The following PHF14 variants were observed in gnomAD, a reference collection of about 807,000 sequenced individuals.
PHF14 encodes the protein PHD finger protein 14.
PHF14 carries 55 observed loss-of-function variants against 117.9 expected under a neutral mutation model. The ratio of observed to expected loss-of-function variants is 0.47; its 90% confidence interval spans 0.38 to 0.58. The LOEUF (loss-of-function observed/expected upper bound fraction) is 0.58, where lower values mean the gene tolerates loss of function less well. Among genes scored for constraint, PHF14 ranks in the 20% least tolerant of loss-of-function variants. The probability of loss-of-function intolerance (pLI) is 0.00; values close to 1 mark genes in which losing one functional copy is unlikely to be tolerated. For synonymous variants in PHF14, 409 were observed against 368.6 expected (o/e 1.11, Z -1.26); for missense variants, 978 against 1,122.2 (o/e 0.87, Z 1.84).
At chr7:11,142,671 T>G (rs1788433686) in intron 17 of PHF14, among the ~76,000 whole-genome samples, 1 of 152,104 alleles carries the variant, frequency 6.6e-6, no homozygotes, top group South Asian at 2.1e-4. Flanking sequence ...GAAGATCCTG[T>G]TAGGTTTCAT....
chr7:11,156,222 T>A (rs542170040), intron 17 of PHF14, among the ~76,000 whole-genome samples: 1 of 152,350 alleles, frequency 6.6e-6, no homozygotes, highest in South Asian at 2.1e-4. Flanking sequence ...AATAGGGACG[T>A]TATTTTTGAC....
chr7:11,051,463 GTTTT>G, intron 13 of PHF14, 145 bp from the exon 14 acceptor site: 3 of 592,302 alleles, frequency 5.1e-6, no homozygotes, highest in Non-Finnish European at 8.4e-6. Flanking sequence ...ATTTCTGAAT[GTTTT>G]TTCATTATGT....
intron 4 of PHF14, among the ~76,000 whole-genome samples, chr7:11,000,254 G>A (rs914798462): frequency 4.7e-5 from 7 of 148,752 alleles, no homozygotes; most frequent in Admixed American, 4.7e-4. Context: ...TGGAGTTTCT[G>A]TTGTATGATT....
chr7:11,116,628 A>G (rs1428585069), intron 17 of PHF14, among the ~76,000 whole-genome samples: 1 of 151,896 alleles, frequency 6.6e-6, no homozygotes, highest in African/African-American at 2.4e-5. Flanking sequence ...TCCTGCCCAC[A>G]TGGATACCTA....
chr7:10,994,349 GA>G (rs1326051344), intron 4 of PHF14, among the ~76,000 whole-genome samples: 1 of 151,856 alleles, frequency 6.6e-6, no homozygotes, highest in East Asian at 1.9e-4. Flanking sequence ...TGAGGCAGGA[GA>G]ATGGCTTGAA....
At chr7:11,103,623 T>G in intron 16 of PHF14, 1 of 985,192 alleles carries the variant, frequency 1.0e-6, no homozygotes, top group African/African-American at 1.7e-5. Context: ...TAATTTGGAA[T>G]TTTCTGATTA....
chr7:11,135,878 G>A lies in PHF14; in HGVS notation c.2772+24411G>A, dbSNP rs111961817. On this transcript the variant is annotated intron_variant, in intron 17 of 17. Transcript: ENST00000634607. The stretch of plus-strand genomic sequence containing the variant: ...TAACCTGATTCAAAGCTTGTTTAAA[G>A]CTAATTTATAGCTTACATAATTTTC... Among the ~76,000 whole-genome samples, 15 of 152,226 alleles carry A rather than the reference G, an allele frequency of 9.9e-5. 1 individual carries two copies. Among genetic ancestry groups the A allele is most frequent in the African/African-American group, 3.4e-4 (14 of 41,542 alleles).
intron 16 of PHF14, among the ~76,000 whole-genome samples, chr7:11,091,673 A>G (rs1316264119): frequency 6.6e-6 from 1 of 152,002 alleles, no homozygotes; most frequent in Non-Finnish European, 1.5e-5. Context: ...TGGAAGAATC[A>G]CCTGAACCCG....
rs150345817 is a variant in PHF14 at position 11,044,970 on chromosome 7, C to CA, written c.2312+2162dup. On this transcript the variant is annotated intron_variant, in intron 13 of 17. Transcript: ENST00000634607. Reference sequence around the variant, plus strand: ...TTTCTTTGACTGTAATGTCAGTGCTCAAAAAACATTTGGATTTTGGAGCAC... The same window carrying CA: ...TTTCTTTGACTGTAATGTCAGTGCTCAAAAAAACATTTGGATTTTGGAGCAC... Among the ~76,000 whole-genome samples the CA allele has an allele frequency of 5.9e-3, 903 of 152,244 alleles. 8 individuals carry two copies. The highest frequency in any genetic ancestry group is 0.021 in the African/African-American group (862 of 41,538).
intron 13 of PHF14, among the ~76,000 whole-genome samples, chr7:11,049,123 G>A (rs1784770415): frequency 6.6e-6 from 1 of 152,038 alleles, no homozygotes; most frequent in African/African-American, 2.4e-5. Flanking sequence ...TATACCTAGG[G>A]GATTTAGATA....
At chr7:11,053,794 C>G (rs1784924867) in intron 14 of PHF14, among the ~76,000 whole-genome samples, 1 of 151,796 alleles carries the variant, frequency 6.6e-6, no homozygotes. Context: ...CTCACCTTTA[C>G]TGGTCTGCTT....
At chr7:11,014,916 A>G (rs1007780448) in intron 5 of PHF14, 2 of 150,678 alleles carry the variant, frequency 1.3e-5, no homozygotes, top group African/African-American at 4.9e-5. Context: ...GGAGACTACC[A>G]TCTAGGGTTG....
intron 16 of PHF14, among the ~76,000 whole-genome samples, chr7:11,076,042 G>A (rs1785837914): frequency 6.6e-6 from 1 of 152,212 alleles, no homozygotes; most frequent in African/African-American, 2.4e-5. Flanking sequence ...GGGAGGCTGA[G>A]GCAGGAGAAT....
intron 16 of PHF14, among the ~76,000 whole-genome samples, chr7:11,075,536 C>G (rs1478002569): frequency 6.8e-6 from 1 of 146,230 alleles, no homozygotes. Flanking sequence ...TTAACAAGAA[C>G]TCACTCATTC....
At chr7:11,136,815 C>A (rs907436806) in intron 17 of PHF14, among the ~76,000 whole-genome samples, 2 of 152,012 alleles carry the variant, frequency 1.3e-5, no homozygotes, top group African/African-American at 2.4e-5. Context: ...GACATTAAGA[C>A]CAAACATTTG....
At chr7:11,089,445 C>G (rs548673710) in intron 16 of PHF14, among the ~76,000 whole-genome samples, 7 of 152,134 alleles carry the variant, frequency 4.6e-5, no homozygotes, top group Middle Eastern at 3.4e-3. Flanking sequence ...AATCCCAGCA[C>G]CTAGGGAGGC....
intron 13 of PHF14, among the ~76,000 whole-genome samples, chr7:11,045,113 A>G (rs1220017934): frequency 6.6e-6 from 1 of 152,232 alleles, no homozygotes; most frequent in African/African-American, 2.4e-5. Context: ...TGAAATTGCC[A>G]TAGTTAGGAG....
intron 4 of PHF14, among the ~76,000 whole-genome samples, chr7:11,008,851 T>C (rs1173698605): frequency 6.6e-6 from 1 of 151,806 alleles, no homozygotes; most frequent in African/African-American, 2.4e-5. Context: ...CTGACTAACA[T>C]GGTGAAACCC....
rs773896246 is a variant in PHF14 at position 10,982,368 on chromosome 7, A to G, written c.113-4A>G. On this transcript the variant is annotated splice_polypyrimidine_tract_variant and splice_region_variant and intron_variant, in intron 2 of 17. Coordinates refer to ENST00000634607, the MANE Select transcript of PHF14 (RefSeq NM_001007157.2). ...TGGTTTTTTTTTTCTCATATTTTCA[A>G]CAGATTCTGAAGGGAGTGGTAATGG... The G allele has an allele frequency of 3.3e-6, 5 of 1,532,038 alleles. No homozygotes were observed. Among genetic ancestry groups the G allele is most frequent in the Non-Finnish European group, 8.7e-7 (1 of 1,145,932 alleles). The allele number at this position is 1,532,038 out of a possible 1,614,324, so 94.9% of individuals were successfully genotyped here.
Sources: gnomAD v4.1 joint callset for allele counts (sites outside exome capture counted in the v4.1 genomes callset) on GRCh38, gnomAD v4.1.1 for gene constraint, MANE v1.5 for transcripts, NCBI Gene and HGNC (gene_info 2026-07-23, HGNC 2026-07-21) for gene names.